Variants in PKHD1L1 observed in about 807,000 individuals in gnomAD.
PKHD1L1 encodes PKHD1 like 1, also known as fibrocystin-L.
A neutral mutation model predicts 462.9 loss-of-function variants in PKHD1L1; 434 were observed. The ratio of observed to expected loss-of-function variants is 0.94; its 90% CI spans 0.87 to 1.02. The LOEUF is 1.02. Ranked by LOEUF, PKHD1L1 falls within the 50% of genes least tolerant of loss-of-function variation. The probability of loss-of-function intolerance (pLI) is 0.00; values close to 1 mark genes in which losing one functional copy is unlikely to be tolerated. For missense variants in PKHD1L1, 5,202 were observed against 5,096.1 expected (o/e 1.02, Z -0.63); for synonymous variants, 1,781 against 1,750.0 (o/e 1.02, Z -0.44).
intron 50 of PKHD1L1, chr8:109,470,516 A>G (rs1586580455): frequency 6.2e-7 from 1 of 1,610,840 alleles, no homozygotes; most frequent in South Asian, 1.1e-5. Flanking sequence ...AAAGAAAGGG[A>G]AAAGAAGCAG....
rs1586352336 is a variant in PKHD1L1 at position 109,364,631 on chromosome 8, G to A, written c.158G>A (p.Gly53Glu). 4.0e-6 allele frequency: 6 copies of A among 1,511,034 alleles called. No individual in the cohort carries two copies. The highest frequency in any genetic ancestry group is 5.4e-6 in the Non-Finnish European group (6 of 1,113,364). The allele number at this position is 1,511,034 out of a possible 1,614,324, so 93.6% of individuals were successfully genotyped here. The stretch of plus-strand genomic sequence containing the variant: ...GGAGCAACAAGGCTGACTATAAGAG[G>A]GGAAGGTATCGTTGCTTTTTTTTTT... The part of the protein sequence containing the change: ...INGATRLTIR[G>E]EGFSQANQFN... Residue 53 changes from glycine (G) to glutamate (E), a missense_variant, in exon 2 of 78, where the codon GGG becomes GAG. Gly to Glu is a moderately conservative substitution (Grantham distance 98). This residue lies in a region of PKHD1L1 where 4,497 missense variants were observed against 4,336.8 expected (regional missense o/e 1.04). Coordinates refer to ENST00000378402, the MANE Select transcript of PKHD1L1 (RefSeq NM_177531.6).
rs114084195 is a variant in PKHD1L1 at position 109,452,889 on chromosome 8, A to G, written c.6664+15A>G. On this transcript the variant is annotated intron_variant, in intron 43 of 77. Transcript: ENST00000378402. ...GCTTATTCAGGGTAAATTTCTGAAT[A>G]TCTGTTCATTGGACTCTGCCTGATA... is the stretch of plus-strand genomic sequence containing the variant. 2.4e-3 allele frequency: 3,338 copies of G among 1,385,352 alleles called. 70 individuals carry two copies. In the African/African-American group the frequency reaches 0.045, roughly 19 times the overall value. The allele number at this position is 1,385,352 out of a possible 1,614,324, so 85.8% of individuals were successfully genotyped here.
Position 109,504,498 on chromosome 8 carries a change from A to C in PKHD1L1, c.10994+6A>C. On this transcript the variant is annotated splice_donor_region_variant and intron_variant, in intron 68 of 77. Coordinates refer to ENST00000378402, the MANE Select transcript of PKHD1L1 (RefSeq NM_177531.6). Reference sequence around the variant, plus strand: ...ATACATAGGCCTGATATAAGGTAAAATACATAAAAATTGTGGTTTTTCTAT... The same window carrying C: ...ATACATAGGCCTGATATAAGGTAAACTACATAAAAATTGTGGTTTTTCTAT... The C allele has an allele frequency of 6.9e-7, 1 of 1,440,182 alleles. No individual in the cohort carries two copies. Among genetic ancestry groups the C allele is most frequent in the Non-Finnish European group, 9.3e-7 (1 of 1,079,992 alleles). 89.2% of individuals were successfully genotyped at this position (1,440,182 alleles called of 1,614,324 possible). A position where few individuals can be genotyped will look rare whatever the true frequency, so the allele number is the denominator to read the frequency against.
chr8:109,510,869 G>A lies in PKHD1L1; in HGVS notation c.11488G>A (p.Val3830Ile). Reference sequence around the variant, plus strand: ...TGTGGCTCTGAACAAATCTTATGAAGTTTACTTCACTGGCACCAGTCCTCA... The same window carrying A: ...TGTGGCTCTGAACAAATCTTATGAAATTTACTTCACTGGCACCAGTCCTCA... ...SIVALNKSYEVYFTGTSPQNL... is the reference protein window; with the variant it reads ...SIVALNKSYEIYFTGTSPQNL... Residue 3830 changes from valine (V) to isoleucine (I), a missense_variant, in exon 71 of 78, where the codon GTT becomes ATT. Around this residue, in one of 3 missense-constraint regions of PKHD1L1, gnomAD observed 698 missense variants for 736.3 expected, o/e 0.95. Transcript: ENST00000378402. The A allele has an allele frequency of 6.2e-7, 1 of 1,613,316 alleles. No homozygotes were observed. The highest frequency in any genetic ancestry group is 8.5e-7 in the Non-Finnish European group (1 of 1,179,508).
At position 109,395,026 on chromosome 8, in the gene PKHD1L1, G is replaced by T. The variant is rs151161909; in HGVS notation, c.811+541G>T. Among the ~76,000 whole-genome samples the T allele has an allele frequency of 5.1e-3, 777 of 152,310 alleles. 9 individuals carry two copies. The highest frequency in any genetic ancestry group is 0.018 in the African/African-American group (748 of 41,558). ...AGGTTGTTTACCCTCATCATTGTGT[G>T]ACTGACTGGGGCTGCAGCTGGCTGT... is the stretch of plus-strand genomic sequence containing the variant. On this transcript the variant is annotated intron_variant, in intron 10 of 77. Coordinates refer to ENST00000378402, the MANE Select transcript of PKHD1L1 (RefSeq NM_177531.6).
At chr8:109,411,421 A>G (rs1280674969) in intron 19 of PKHD1L1, among the ~76,000 whole-genome samples, 1 of 152,218 alleles carries the variant, frequency 6.6e-6, no homozygotes, top group Non-Finnish European at 1.5e-5. Flanking sequence ...TCATGAGCAG[A>G]TTAGTGAGAA....
At chr8:109,404,945 A>T in intron 15 of PKHD1L1, 50 bp from the exon 16 acceptor site, 1 of 1,256,006 alleles carries the variant, frequency 8.0e-7, no homozygotes, top group Non-Finnish European at 1.1e-6. Context: ...GATGCTTTTA[A>T]GATATATATA....
intron 74 of PKHD1L1, among the ~76,000 whole-genome samples, 156 bp downstream of exon 74, chr8:109,522,493 A>G (rs1420980688): frequency 6.6e-6 from 1 of 152,222 alleles, no homozygotes; most frequent in African/African-American, 2.4e-5. Context: ...CTAAAATGAT[A>G]ATAAAGTTGT....
rs373237245 is a variant in PKHD1L1, at chr8:109,518,398, G to A, written c.11921G>A (p.Arg3974His). The change falls in exon 73 of 78, where the codon CGT becomes CAT. Residue 3974 changes from arginine to histidine, a missense_variant. Transcript: ENST00000378402. ...LFLKIPSDKI[R>H]ISKIRGKSLR... ...CTAAAGATACCAAGTGACAAAATCCGTATCAGCAAAATAAGAGGGAAGAGT... is the reference window on the plus strand; with the variant it reads ...CTAAAGATACCAAGTGACAAAATCCATATCAGCAAAATAAGAGGGAAGAGT... 1.3e-4 allele frequency: 203 copies of A among 1,612,886 alleles called. 1 individual carries two copies. Among genetic ancestry groups the A allele is most frequent in the East Asian group, 5.1e-4 (23 of 44,876 alleles).
Position 109,507,716 on chromosome 8 carries a change from C to A in PKHD1L1, c.11048C>A (p.Ser3683Tyr). The A allele has an allele frequency of 6.2e-7, 1 of 1,613,456 alleles. No individual in the cohort carries two copies. Among genetic ancestry groups the A allele is most frequent in the South Asian group, 1.1e-5 (1 of 91,068 alleles). Reference sequence around the variant, plus strand: ...ATGGTTTGTGATGCCAAGAGGAAATCTTTTCTTAGAGACATAGATGGCTCC... The same window carrying A: ...ATGGTTTGTGATGCCAAGAGGAAATATTTTCTTAGAGACATAGATGGCTCC... ...VDMVCDAKRK[S>Y]FLRDIDGSFL... Residue 3683 changes from serine to tyrosine, a missense_variant, in exon 69 of 78, where the codon TCT (serine) becomes TAT (tyrosine). Physicochemically the swap from Ser to Tyr is moderately radical, Grantham distance 144. Transcript: ENST00000378402.
At chr8:109,396,939 A>C (rs1398641722) in intron 11 of PKHD1L1, among the ~76,000 whole-genome samples, 1 of 152,220 alleles carries the variant, frequency 6.6e-6, no homozygotes, top group Non-Finnish European at 1.5e-5. Context: ...GATATTAAGC[A>C]ACCTCATGTA....
intron 63 of PKHD1L1, among the ~76,000 whole-genome samples, chr8:109,496,551 C>T (rs1819095907): frequency 6.6e-6 from 1 of 152,166 alleles, no homozygotes; most frequent in East Asian, 1.9e-4. Context: ...AATAAGTATA[C>T]AGTTATTTTA....
chr8:109,410,726 CTT>C (rs71303459), intron 19 of PKHD1L1, among the ~76,000 whole-genome samples: 1,077 of 68,318 alleles, frequency 0.016, 16 homozygotes, highest in African/African-American at 0.084. Context: ...TTTTCTTTTT[CTT>C]TTTTTTTTTT....
chr8:109,425,226 C>A lies in PKHD1L1; in HGVS notation c.2839C>A (p.Leu947Ile). ...TGACATTCAAGCTTATGGACATATT[C>A]TTAAAGGTATATGAAAAAAATTTAA... ...SFDIQAYGHILKGLPAAVSAA... is the reference protein window; with the variant it reads ...SFDIQAYGHIIKGLPAAVSAA... The change falls in exon 24 of 78, where the codon CTT becomes ATT. Residue 947 changes from leucine (L) to isoleucine (I), a missense_variant. Leu to Ile is a conservative substitution (Grantham distance 5). This residue lies in a region of PKHD1L1 where 4,497 missense variants were observed against 4,336.8 expected (regional missense o/e 1.04). Transcript: ENST00000378402. 1 of 1,583,516 alleles carries A rather than the reference C, an allele frequency of 6.3e-7. No homozygotes were observed. Among genetic ancestry groups the A allele is most frequent in the Non-Finnish European group, 8.6e-7 (1 of 1,169,106 alleles).
At chr8:109,477,854 T>C (rs1818071530) in intron 53 of PKHD1L1, among the ~76,000 whole-genome samples, 1 of 152,216 alleles carries the variant, frequency 6.6e-6, no homozygotes, top group Admixed American at 6.5e-5. Context: ...TAGTTAATTT[T>C]CTTTCAAATA....
rs533756141 is a variant in PKHD1L1 at position 109,481,700 on chromosome 8, G to A, written c.9457+138G>A. 4 of 835,006 alleles carry A rather than the reference G, an allele frequency of 4.8e-6. No individual in the cohort carries two copies. The East Asian group carries it at 1.4e-4, about 29-fold the overall frequency. 51.7% of individuals were successfully genotyped at this position (835,006 alleles called of 1,614,324 possible). Reference sequence around the variant, plus strand: ...TACTTCTGATACAAAAGTATCAGAAGTTTTTACAGAAATTTATTTATTGTA... The same window carrying A: ...TACTTCTGATACAAAAGTATCAGAAATTTTTACAGAAATTTATTTATTGTA... On this transcript the variant is annotated intron_variant, in intron 56 of 77. Coordinates refer to ENST00000378402, the MANE Select transcript of PKHD1L1 (RefSeq NM_177531.6).
At chr8:109,514,093 T>C (rs1820140866) in intron 71 of PKHD1L1, among the ~76,000 whole-genome samples, 1 of 152,132 alleles carries the variant, frequency 6.6e-6, no homozygotes, top group Non-Finnish European at 1.5e-5. Context: ...TGGCTTCTTC[T>C]ACTCCTCCAG....
At chr8:109,380,153 T>C (rs1812037721) in intron 2 of PKHD1L1, among the ~76,000 whole-genome samples, 1 of 151,954 alleles carries the variant, frequency 6.6e-6, no homozygotes, top group South Asian at 2.1e-4. Context: ...TAGAGTAGTA[T>C]AGCCTGTAGC....
intron 60 of PKHD1L1, among the ~76,000 whole-genome samples, chr8:109,490,375 A>G (rs1341676363): frequency 2.0e-5 from 3 of 151,756 alleles, no homozygotes; most frequent in Non-Finnish European, 4.4e-5. Flanking sequence ...CTAGTAAACA[A>G]AGAGAGTATT....
Sources: allele counts gnomAD v4.1 joint callset (sites outside exome capture counted in the v4.1 genomes callset), GRCh38; gene constraint gnomAD v4.1.1; regional missense constraint gnomAD v4.1.1; transcripts MANE v1.5; gene names NCBI Gene and HGNC (gene_info 2026-07-23, HGNC 2026-07-21).